The following OPHN1 variants were observed in gnomAD, a reference collection of about 807,000 sequenced individuals.
OPHN1 encodes oligophrenin-1.
A neutral mutation model predicts 60.7 loss-of-function variants in OPHN1; 11 were observed. The ratio of observed to expected loss-of-function variants is 0.18; its 90% confidence interval spans 0.11 to 0.30. The LOEUF (loss-of-function observed/expected upper bound fraction) is 0.30. Ranked by LOEUF, OPHN1 falls within the 10% of genes least tolerant of loss-of-function variation. The probability of loss-of-function intolerance (pLI) is 1.00; values close to 1 mark genes in which losing one functional copy is unlikely to be tolerated. For synonymous variants in OPHN1, 226 were observed against 222.6 expected (o/e 1.02, Z -0.14); for missense variants, 449 against 611.0 (o/e 0.73, Z 2.80).
intron 2 of OPHN1, among the ~76,000 whole-genome samples, chrX:68,392,896 A>G (rs2078660837): frequency 9.2e-6 from 1 of 108,872 alleles, no homozygotes; most frequent in Non-Finnish European, 1.9e-5. Flanking sequence ...TCCACCACGC[A>G]ATAAAACCCT....
At chrX:68,068,425 C>T (rs776156092) in intron 20 of OPHN1, among the ~76,000 whole-genome samples, 6 of 95,571 alleles carry the variant, frequency 6.3e-5, no homozygotes, top group African/African-American at 2.3e-4. Flanking sequence ...GAGCTGAGAT[C>T]GCGCCATTGC....
intron 2 of OPHN1, among the ~76,000 whole-genome samples, chrX:68,416,009 C>T (rs1310335641): frequency 2.4e-4 from 20 of 84,090 alleles, no homozygotes; most frequent in East Asian, 7.3e-4. Context: ...AGCAAGACTC[C>T]GTCTCAAAAA....
At position 68,073,272 on chromosome X, in the gene OPHN1, C is replaced by G. The variant is rs1191253744; in HGVS notation, c.1714G>C (p.Ala572Pro). The change falls in exon 20 of 25, where the codon GCT becomes CCT. Residue 572 changes from alanine (A) to proline (P), a missense_variant. By Grantham distance (27) the Ala-to-Pro change is conservative. Transcript: ENST00000355520. ...CGAGGCGGAGGCACTGGCGGTGCAG[C>G]GCTTTCCTCAGGTGGACCTAAATAG... is the stretch of plus-strand genomic sequence containing the variant. ...KIYLGPPEES[A>P]APPVPPPRVT... is the part of the protein sequence containing the mutation. 2 of 1,208,838 alleles carry G rather than the reference C, an allele frequency of 1.7e-6. No homozygotes were observed. Among genetic ancestry groups the G allele is most frequent in the African/African-American group, 3.5e-5 (2 of 57,223 alleles).
chrX:68,220,303 A>G (rs1475429134), intron 6 of OPHN1, among the ~76,000 whole-genome samples: 1 of 109,015 alleles, frequency 9.2e-6, no homozygotes, highest in Non-Finnish European at 1.9e-5. Flanking sequence ...CTTAGCAACC[A>G]AAAAGAGTCC....
At chrX:68,248,921 A>T (rs1041369929) in intron 5 of OPHN1, among the ~76,000 whole-genome samples, 1 of 111,809 alleles carries the variant, frequency 8.9e-6, no homozygotes, top group African/African-American at 3.2e-5. Flanking sequence ...GACATAGGGT[A>T]TAGAAAGATG....
chrX:68,197,414 C>T (rs180715136), intron 11 of OPHN1, 150 bp from the exon 12 acceptor site: 8 of 466,854 alleles, frequency 1.7e-5, no homozygotes, highest in Non-Finnish European at 7.4e-6. Flanking sequence ...CTCTTTTACT[C>T]AAGAAAACAA....
intron 2 of OPHN1, among the ~76,000 whole-genome samples, chrX:68,374,129 G>T (rs1027131686): frequency 9.1e-6 from 1 of 110,404 alleles, no homozygotes; most frequent in African/African-American, 3.3e-5. Context: ...AGGCCAAGGC[G>T]GGCGGATCAC....
intron 19 of OPHN1, 86 bp from the exon 20 acceptor site, chrX:68,073,385 G>A: frequency 2.4e-6 from 2 of 843,700 alleles, no homozygotes; most frequent in Non-Finnish European, 3.4e-6. Flanking sequence ...ATGCTTGTTG[G>A]CCTTATATCT....
chrX:68,291,264 G>A (rs1224470149), intron 3 of OPHN1, among the ~76,000 whole-genome samples: 2 of 111,929 alleles, frequency 1.8e-5, no homozygotes, highest in African/African-American at 3.3e-5. Context: ...GAGGGAGAAA[G>A]AGTAAATGGC....
intron 19 of OPHN1, among the ~76,000 whole-genome samples, chrX:68,079,248 G>C (rs2076965594): frequency 9.1e-6 from 1 of 110,354 alleles, no homozygotes; most frequent in Non-Finnish European, 1.9e-5. Context: ...AGTCTCTCCT[G>C]TCTGAACCCA....
At chrX:68,428,219 C>T (rs1003551010) in intron 2 of OPHN1, among the ~76,000 whole-genome samples, 3 of 111,956 alleles carry the variant, frequency 2.7e-5, no homozygotes, top group African/African-American at 9.7e-5. Context: ...TTACTTAACT[C>T]ATCTGAACTT....
chrX:68,100,056 T>C (rs1161410991), intron 18 of OPHN1, among the ~76,000 whole-genome samples: 1 of 111,742 alleles, frequency 8.9e-6, no homozygotes, highest in Non-Finnish European at 1.9e-5. Context: ...TTTTCCATCC[T>C]TAGGTATCTG....
At chrX:68,143,929 C>T (rs963719421) in intron 15 of OPHN1, among the ~76,000 whole-genome samples, 10 of 111,889 alleles carry the variant, frequency 8.9e-5, no homozygotes, top group Non-Finnish European at 1.9e-4. Flanking sequence ...AACAAATTAC[C>T]AAACTGGGAG....
intron 3 of OPHN1, among the ~76,000 whole-genome samples, chrX:68,293,691 T>C (rs2147620610): frequency 9.0e-6 from 1 of 111,536 alleles, no homozygotes; most frequent in Non-Finnish European, 1.9e-5. Flanking sequence ...GATGACAAGA[T>C]TGAAATTTGA....
At chrX:68,066,035 C>T (rs1184755436) in intron 20 of OPHN1, among the ~76,000 whole-genome samples, 5 of 112,073 alleles carry the variant, frequency 4.5e-5, no homozygotes, top group African/African-American at 1.6e-4. Context: ...CAGAGGCCAT[C>T]AAACAAAAAA....
intron 5 of OPHN1, among the ~76,000 whole-genome samples, chrX:68,267,863 T>G (rs1183892932): frequency 9.0e-6 from 1 of 111,385 alleles, no homozygotes; most frequent in Non-Finnish European, 1.9e-5. Flanking sequence ...TCACCACCGA[T>G]CCCACAGAAA....
At chrX:68,339,145 T>C (rs1326573980) in intron 2 of OPHN1, among the ~76,000 whole-genome samples, 1 of 105,664 alleles carries the variant, frequency 9.5e-6, no homozygotes, top group Non-Finnish European at 1.9e-5. Flanking sequence ...ACCACATAAA[T>C]AGAATATAAG....
intron 5 of OPHN1, among the ~76,000 whole-genome samples, chrX:68,265,833 A>T (rs1172204121): frequency 1.8e-5 from 2 of 111,617 alleles, no homozygotes; most frequent in African/African-American, 6.5e-5. Flanking sequence ...AACTCCTTAA[A>T]GGACCTGAAG....
chrX:68,353,769 C>T (rs1008320600), intron 2 of OPHN1, among the ~76,000 whole-genome samples: 1 of 111,599 alleles, frequency 9.0e-6, no homozygotes, highest in African/African-American at 3.3e-5. Flanking sequence ...ATTTCCATTG[C>T]TCAATTTCTT....
Sources: gnomAD v4.1 joint callset for allele counts (sites outside exome capture counted in the v4.1 genomes callset) on GRCh38, gnomAD v4.1.1 for gene constraint, MANE v1.5 for transcripts, NCBI Gene and HGNC (gene_info 2026-07-23, HGNC 2026-07-21) for gene names.